Variants in ATG4B observed in about 807,000 individuals in gnomAD.
The protein encoded by ATG4B is autophagy related 4B cysteine peptidase, also known as cysteine protease ATG4B.
ATG4B carries 29 observed loss-of-function variants against 56.6 expected under a neutral mutation model. That is an observed-to-expected ratio of 0.51 (90% CI 0.38 to 0.70). The LOEUF is 0.70. Ranked by LOEUF, ATG4B falls within the 30% of genes least tolerant of loss-of-function variation. The probability of loss-of-function intolerance (pLI) is 0.00; values close to 1 mark genes in which losing one functional copy is unlikely to be tolerated. For synonymous variants in ATG4B, 224 were observed against 206.1 expected, an observed-to-expected ratio of 1.09 and a Z score of -0.74; for missense variants, 461 against 515.5, an observed-to-expected ratio of 0.89 and a Z score of 1.02.
At position 241,668,753 on chromosome 2, in the gene ATG4B, C is replaced by CT; in HGVS notation, c.957+71dup. 6.6e-7 allele frequency: 1 copy of CT among 1,507,398 alleles called. No individual in the cohort carries two copies. Among genetic ancestry groups the CT allele is most frequent in the Non-Finnish European group, 8.8e-7 (1 of 1,136,894 alleles). The allele number at this position is 1,507,398 out of a possible 1,614,324, so 93.4% of individuals were successfully genotyped here. On this transcript the variant is annotated intron_variant, in intron 10 of 12. Transcript: ENST00000404914. This position sits in a 1 kb window ranked among gnomAD's most constrained non-coding sequence, Gnocchi z 4.2. ...TGCTGTTTGGGAATGACGAGGAAAA[C>CT]TTTCGGATTTTTGCGTTTTTTTTTT...
chr2:241,644,533 C>G (rs1158683901), intron 1 of ATG4B, among the ~76,000 whole-genome samples: 7 of 152,188 alleles, frequency 4.6e-5, no homozygotes, highest in Admixed American at 1.3e-4. Context: ...TGTCCTGTAG[C>G]TATCGACCAG....
chr2:241,644,366 G>A (rs2067999915), intron 1 of ATG4B, among the ~76,000 whole-genome samples: 1 of 152,130 alleles, frequency 6.6e-6, no homozygotes, highest in Non-Finnish European at 1.5e-5. Context: ...GGAACGTTTG[G>A]GAATGGAATC....
At chr2:241,653,446 C>A (rs1000289754) in intron 3 of ATG4B, 66 bp from the exon 4 acceptor site, 1 of 1,551,216 alleles carries the variant, frequency 6.4e-7, no homozygotes, top group African/African-American at 1.4e-5. Flanking sequence ...CTGCCTCCTG[C>A]CAGTGGGCTT....
intron 3 of ATG4B, among the ~76,000 whole-genome samples, chr2:241,653,139 G>C (rs890080047): frequency 6.6e-6 from 1 of 152,276 alleles, no homozygotes; most frequent in African/African-American, 2.4e-5. Flanking sequence ...AGCAGCACTG[G>C]ATGTCATCAA....
intron 5 of ATG4B, chr2:241,654,859 G>A (rs1478923210): frequency 3.4e-6 from 2 of 591,304 alleles, no homozygotes; most frequent in Non-Finnish European, 6.0e-6. Flanking sequence ...CAGACCCTGG[G>A]CCTTGCCCTT....
intron 6 of ATG4B, among the ~76,000 whole-genome samples, chr2:241,656,707 A>G (rs888255326): frequency 2.6e-5 from 4 of 151,506 alleles, no homozygotes; most frequent in Admixed American, 1.3e-4. Context: ...CTGCATTTCC[A>G]CCTGGGTATC....
intron 7 of ATG4B, among the ~76,000 whole-genome samples, chr2:241,662,556 T>A (rs2068621513): frequency 6.6e-6 from 1 of 152,210 alleles, no homozygotes; most frequent in African/African-American, 2.4e-5. Context: ...GGTCACACAC[T>A]CAGTGCTGGG....
rs1172075142 is a variant in ATG4B at position 241,673,589 on chromosome 2, G to C, written c.*1325G>C. The stretch of plus-strand genomic sequence containing the variant: ...GCCCCCCAAGCATTGAAGACATAGT[G>C]TATTTCCTCGTATCCTTTCTCCCTT... On this transcript the variant is annotated 3_prime_UTR_variant, in exon 13 of 13. Coordinates refer to ENST00000404914, the MANE Select transcript of ATG4B (RefSeq NM_013325.5). The C allele has an allele frequency of 2.2e-6, 1 of 455,072 alleles. No homozygotes were observed. The highest frequency in any genetic ancestry group is 4.4e-6 in the Non-Finnish European group (1 of 226,966). 28.2% of individuals were successfully genotyped at this position (455,072 alleles called of 1,614,324 possible).
rs753832972 is a variant in ATG4B at position 241,666,853 on chromosome 2, G to T, written c.732+15G>T. On this transcript the variant is annotated intron_variant, in intron 8 of 12. Transcript: ENST00000404914. ...AGACGCTGAAGGTGGGTCCTGCCGT[G>T]CGGCGCTTGCCCTGAGTCCCCGTCC... The T allele has an allele frequency of 3.2e-6, 5 of 1,547,368 alleles. No individual in the cohort carries two copies. In the South Asian group the frequency reaches 5.9e-5, roughly 18 times the overall value.
At chr2:241,670,487 G>C (rs542359443) in intron 10 of ATG4B, 2 of 590,434 alleles carry the variant, frequency 3.4e-6, no homozygotes, top group African/African-American at 1.9e-5. Flanking sequence ...TCTCGTGGGC[G>C]AATCAAGGCA....
At chr2:241,640,099 C>A (rs537570040) in intron 1 of ATG4B, among the ~76,000 whole-genome samples, 24 of 152,194 alleles carry the variant, frequency 1.6e-4, no homozygotes, top group African/African-American at 5.8e-4. Context: ...GGTTCAGTGT[C>A]GATCATATGA....
intron 4 of ATG4B, among the ~76,000 whole-genome samples, chr2:241,653,990 G>GAAAAAAAAA (rs34757883): frequency 5.5e-5 from 4 of 72,876 alleles, no homozygotes; most frequent in Admixed American, 1.6e-4. Flanking sequence ...GACCCTATCT[G>GAAAAAAAAA]AAAAAAAAAA....
At chr2:241,671,227 C>A in intron 11 of ATG4B, 85 bp from the exon 12 acceptor site, 1 of 1,226,112 alleles carries the variant, frequency 8.2e-7, no homozygotes, top group Non-Finnish European at 1.2e-6. Context: ...GGTTTGTCCG[C>A]TGGCTGTGGC....
At chr2:241,650,682 CT>C (rs892011975) in intron 1 of ATG4B, among the ~76,000 whole-genome samples, 12 of 152,136 alleles carry the variant, frequency 7.9e-5, no homozygotes, top group Non-Finnish European at 1.8e-4. Flanking sequence ...AGGTTGGCCC[CT>C]AACTTGGCCT....
intron 1 of ATG4B, chr2:241,638,325 C>G (rs1667402402): frequency 6.6e-6 from 1 of 152,038 alleles, no homozygotes; most frequent in Non-Finnish European, 1.5e-5. Context: ...TTTGTATCAT[C>G]GGGTCTTAGT....
At position 241,637,736 on chromosome 2, in the gene ATG4B, C is replaced by G. The variant is rs1043212476; in HGVS notation, c.10+12C>G. On this transcript the variant is annotated intron_variant, in intron 1 of 12. Transcript: ENST00000404914. ...GAAGATGGACGCAGGTGAGGAGTTG[C>G]CGGGGGTCGGTCTTTCCGCAGGAGG... The G allele has an allele frequency of 5.1e-6, 8 of 1,574,514 alleles. No individual in the cohort carries two copies. The Admixed American group carries it at 1.3e-4, about 25-fold the overall frequency.
At chr2:241,658,196 C>T (rs1213835088) in intron 6 of ATG4B, among the ~76,000 whole-genome samples, 1 of 152,276 alleles carries the variant, frequency 6.6e-6, no homozygotes, top group East Asian at 1.9e-4. Flanking sequence ...TTCGGCACTG[C>T]ATCTGGGCTA....
intron 7 of ATG4B, among the ~76,000 whole-genome samples, chr2:241,663,149 C>G (rs1002897282): frequency 6.6e-6 from 1 of 152,224 alleles, no homozygotes; most frequent in Non-Finnish European, 1.5e-5. Flanking sequence ...ACGAGAATTG[C>G]TTGAACCTGG....
intron 12 of ATG4B, 87 bp from the exon 13 acceptor site, chr2:241,672,104 C>A: frequency 6.5e-7 from 1 of 1,529,812 alleles, no homozygotes; most frequent in African/African-American, 1.4e-5. Context: ...GCAGGCACTG[C>A]TCAGTCTGCC....
Sources: allele counts gnomAD v4.1 joint callset (sites outside exome capture counted in the v4.1 genomes callset), GRCh38; gene constraint gnomAD v4.1.1; non-coding constraint Gnocchi (gnomAD v3.1); transcripts MANE v1.5; gene names NCBI Gene and HGNC (gene_info 2026-07-23, HGNC 2026-07-21).